Variants in MACROD1 observed in about 807,000 individuals in gnomAD.
The protein encoded by MACROD1 is mono-ADP ribosylhydrolase 1, also known as ADP-ribose glycohydrolase MACROD1.
MACROD1 carries 31 observed loss-of-function variants against 41.4 expected under a neutral mutation model. The observed-to-expected ratio is 0.75, with a 90% CI of 0.56 to 1.01. The LOEUF is 1.01. Among genes scored for constraint, MACROD1 ranks in the 50% least tolerant of loss-of-function variants. The pLI, the probability that MACROD1 is intolerant of heterozygous loss-of-function variation, is 0.00. For synonymous variants in MACROD1, 252 were observed against 203.4 expected, an observed-to-expected ratio of 1.24 and a Z score of -2.03; for missense variants, 473 against 460.0, an observed-to-expected ratio of 1.03 and a Z score of -0.26.
chr11:64,099,457 T>G (rs758222890), intron 3 of MACROD1, among the ~76,000 whole-genome samples: 1 of 152,050 alleles, frequency 6.6e-6, no homozygotes, highest in Non-Finnish European at 1.5e-5. Flanking sequence ...GAGAAATGGA[T>G]AGGTGGAGAG....
chr11:64,138,242 G>A (rs971194717), intron 3 of MACROD1, among the ~76,000 whole-genome samples: 4 of 152,204 alleles, frequency 2.6e-5, no homozygotes, highest in Admixed American at 6.5e-5. Context: ...TGGAGGCCGA[G>A]GCCAGGGAGG....
rs144861122 is a variant in MACROD1 at position 64,130,572 on chromosome 11, G to C, written c.517+20667C>G. ...GGCTGAGTCTTATCACCCAGCCTAG[G>C]AGGGTCCCGGACGCATGGGAGGGCA... On this transcript the variant is annotated intron_variant, in intron 3 of 10. Coordinates refer to ENST00000255681, the MANE Select transcript of MACROD1 (RefSeq NM_014067.4). Among the ~76,000 whole-genome samples the C allele has an allele frequency of 2.3e-3, 349 of 152,274 alleles. 3 individuals are homozygous for C. The highest frequency in any genetic ancestry group is 8.1e-3 in the African/African-American group (338 of 41,546).
chr11:63,999,241 C>T (rs1329855104), intron 8 of MACROD1, 90 bp downstream of exon 8: 4 of 1,479,292 alleles, frequency 2.7e-6, no homozygotes, highest in East Asian at 4.9e-5. Context: ...CCTGGCCCTG[C>T]GCTCTGCACC....
At position 64,094,977 on chromosome 11, in the gene MACROD1, C is replaced by G. The variant is rs535508507; in HGVS notation, c.517+56262G>C. Among the ~76,000 whole-genome samples, 9 of 152,318 alleles carry G rather than the reference C, an allele frequency of 5.9e-5. No homozygotes were observed. In the South Asian group the frequency reaches 1.9e-3, roughly 32 times the overall value. On this transcript the variant is annotated intron_variant, in intron 3 of 10. Coordinates refer to ENST00000255681, the MANE Select transcript of MACROD1 (RefSeq NM_014067.4). ...CCAGGAGTGAAAGTACTAGGGGCCT[C>G]GTTAGCTGTGGCTTCAAAGAGCCTC...
chr11:64,077,428 T>C (rs557844342), intron 3 of MACROD1, among the ~76,000 whole-genome samples: 1 of 152,148 alleles, frequency 6.6e-6, no homozygotes, highest in African/African-American at 2.4e-5. Context: ...TCCTCGGATT[T>C]TCCCCCCAAG....
At chr11:64,097,902 C>T (rs1261745693) in intron 3 of MACROD1, among the ~76,000 whole-genome samples, 1 of 152,136 alleles carries the variant, frequency 6.6e-6, no homozygotes, top group Non-Finnish European at 1.5e-5. Flanking sequence ...TGGTGGTGCT[C>T]CTGGGAGCAC....
intron 1 of MACROD1, among the ~76,000 whole-genome samples, chr11:64,161,503 A>G (rs1565266672): frequency 6.6e-6 from 1 of 152,240 alleles, no homozygotes. Flanking sequence ...TGACTGTCAA[A>G]TGTAACTTGG....
At chr11:64,123,296 C>A (rs117800720) in intron 3 of MACROD1, among the ~76,000 whole-genome samples, 2 of 152,150 alleles carry the variant, frequency 1.3e-5, no homozygotes, top group Non-Finnish European at 2.9e-5. Context: ...CACTCACAGG[C>A]GATTCGCAGC....
At position 64,090,593 on chromosome 11, in the gene MACROD1, T is replaced by C. The variant is rs567646194; in HGVS notation, c.517+60646A>G. 6.6e-6 allele frequency among the ~76,000 whole-genome samples: 1 copy of C among 152,310 alleles called. No homozygotes were observed. The highest frequency in any genetic ancestry group is 2.4e-5 in the African/African-American group (1 of 41,572). Reference sequence around the variant, plus strand: ...CCGGGATGAGGCAGGAAGTGGAGGCTGTGGCCAGCCATCGCCGCAGGAGGG... The same window carrying C: ...CCGGGATGAGGCAGGAAGTGGAGGCCGTGGCCAGCCATCGCCGCAGGAGGG... On this transcript the variant is annotated intron_variant, in intron 3 of 10. Coordinates refer to ENST00000255681, the MANE Select transcript of MACROD1 (RefSeq NM_014067.4). The surrounding 1 kb of genome is among the most constrained non-coding windows in gnomAD (Gnocchi z 4.7).
chr11:64,069,162 G>A (rs916810144), intron 3 of MACROD1, among the ~76,000 whole-genome samples: 1 of 152,220 alleles, frequency 6.6e-6, no homozygotes, highest in African/African-American at 2.4e-5. Context: ...TGCAGGGGTC[G>A]AGGGAGAGGT....
chr11:64,116,669 G>T, intron 3 of MACROD1: 4 of 1,613,990 alleles, frequency 2.5e-6, no homozygotes, highest in Non-Finnish European at 3.4e-6. Context: ...AGCTGCACCT[G>T]CAGGACAACA....
At chr11:64,085,731 T>C (rs542080388) in intron 3 of MACROD1, among the ~76,000 whole-genome samples, 1 of 152,138 alleles carries the variant, frequency 6.6e-6, no homozygotes, top group Admixed American at 6.5e-5. Context: ...CAGGAGGAAG[T>C]TCAGTGTTGT....
intron 4 of MACROD1, among the ~76,000 whole-genome samples, chr11:64,009,852 G>A (rs1057332418): frequency 6.6e-6 from 1 of 152,256 alleles, no homozygotes; most frequent in African/African-American, 2.4e-5. Context: ...CAGTGGGCTC[G>A]GGCCCCAAAG....
rs920591254 is a variant in MACROD1, at chr11:64,005,037, T to C, written c.548-4694A>G. Among the ~76,000 whole-genome samples, 118 of 151,836 alleles carry C rather than the reference T, an allele frequency of 7.8e-4. 2 individuals carry two copies. The highest frequency in any genetic ancestry group is 1.5e-3 in the Non-Finnish European group (99 of 67,972). On this transcript the variant is annotated intron_variant, in intron 4 of 10. Transcript: ENST00000255681. ...CTAAGATCCACTTTATTTATTTATT[T>C]ATTTATTTATTGAGACAGTTTTTTG...
chr11:64,058,726 C>T (rs899562629), intron 3 of MACROD1, among the ~76,000 whole-genome samples: 11 of 152,388 alleles, frequency 7.2e-5, no homozygotes, highest in African/African-American at 2.6e-4. Context: ...ATGCCAATTA[C>T]CTCGCCTCCT....
intron 3 of MACROD1, chr11:64,117,613 A>G: frequency 1.2e-6 from 2 of 1,613,284 alleles, no homozygotes; most frequent in Non-Finnish European, 1.7e-6. Context: ...CTGACGGCAG[A>G]CTCCATCCGC....
intron 3 of MACROD1, among the ~76,000 whole-genome samples, chr11:64,023,459 C>T (rs484201): frequency 0.44 from 66,264 of 151,966 alleles, 14,985 homozygotes; most frequent in South Asian, 0.61. Flanking sequence ...TACAGCCTCA[C>T]AGGGCTTCAC....
chr11:64,165,201 A>G (rs1381621299), intron 1 of MACROD1, among the ~76,000 whole-genome samples: 1 of 152,218 alleles, frequency 6.6e-6, no homozygotes, highest in Non-Finnish European at 1.5e-5. Context: ...GTGCCCCACC[A>G]GGTGGGACGC....
intron 3 of MACROD1, among the ~76,000 whole-genome samples, chr11:64,115,652 G>A (rs954163327): frequency 2.0e-5 from 3 of 152,178 alleles, no homozygotes; most frequent in Admixed American, 6.5e-5. Context: ...CTTCGTTCCC[G>A]CAGGTTCTGG....
Sources: gnomAD v4.1 joint callset for allele counts (sites outside exome capture counted in the v4.1 genomes callset) on GRCh38, gnomAD v4.1.1 for gene constraint, Gnocchi (gnomAD v3.1) non-coding constraint, MANE v1.5 for transcripts, NCBI Gene and HGNC (gene_info 2026-07-23, HGNC 2026-07-21) for gene names.